PRKCB: variants seen among roughly 807,000 people sequenced by gnomAD.
PRKCB encodes the protein protein kinase C beta.
Under a neutral mutation model 81.5 loss-of-function variants are expected in PRKCB, and 13 were observed. The observed-to-expected ratio is 0.16, with a 90% CI of 0.10 to 0.25. PRKCB has a LOEUF of 0.25. PRKCB is among the 10% of genes least tolerant of loss of function. The pLI is 1.00. For missense variants in PRKCB, 509 were observed against 875.7 expected (o/e 0.58, Z 5.29); for synonymous variants, 335 against 321.4 (o/e 1.04, Z -0.45).
Position 23,957,862 on chromosome 16 carries a change from C to T in PRKCB, c.206-30646C>T, listed in dbSNP as rs1345680147. Among the ~76,000 whole-genome samples the T allele has an allele frequency of 2.6e-5, 4 of 152,186 alleles. No individual in the cohort carries two copies. In the South Asian group the frequency reaches 8.3e-4, roughly 31 times the overall value. On this transcript the variant is annotated intron_variant, in intron 2 of 16. Transcript: ENST00000643927. Reference sequence around the variant, plus strand: ...ATGCCTTCAAATACCAGCCCTCTGACTTCCTAGCTCAATAACCTCACACAG... The same window carrying T: ...ATGCCTTCAAATACCAGCCCTCTGATTTCCTAGCTCAATAACCTCACACAG...
chr16:24,172,219 A>G, intron 10 of PRKCB, 51 bp from the exon 11 acceptor site: 1 of 1,377,874 alleles, frequency 7.3e-7, no homozygotes, highest in Middle Eastern at 1.9e-4. Flanking sequence ...GTCCATTTGG[A>G]GCCCCAGAAG....
At position 24,123,121 on chromosome 16, in the gene PRKCB, T is replaced by C. The variant is rs563586913; in HGVS notation, c.919-714T>C. 2.0e-5 allele frequency among the ~76,000 whole-genome samples: 3 copies of C among 152,118 alleles called. No homozygotes were observed. The South Asian group carries it at 6.2e-4, about 32-fold the overall frequency. Reference sequence around the variant, plus strand: ...CAGTATTTATGGGAAGAGAAGTGGATGAAGGAAGAAAATCAGAGGAGAACC... The same window carrying C: ...CAGTATTTATGGGAAGAGAAGTGGACGAAGGAAGAAAATCAGAGGAGAACC... On this transcript the variant is annotated intron_variant, in intron 8 of 16. Transcript: ENST00000643927.
At chr16:24,087,374 C>T (rs1315213588) in intron 5 of PRKCB, among the ~76,000 whole-genome samples, 3 of 152,282 alleles carry the variant, frequency 2.0e-5, no homozygotes, top group South Asian at 2.1e-4. Flanking sequence ...GGGCAAAGTG[C>T]GTCACAGTAT....
chr16:23,854,107 C>T (rs572805345), intron 2 of PRKCB, among the ~76,000 whole-genome samples: 9 of 151,476 alleles, frequency 5.9e-5, no homozygotes, highest in East Asian at 2.0e-4. Context: ...CATTACCTTC[C>T]GCCAGGTCCT....
intron 2 of PRKCB, among the ~76,000 whole-genome samples, chr16:23,844,091 T>C (rs1962319017): frequency 6.6e-6 from 1 of 152,270 alleles, no homozygotes; most frequent in Admixed American, 6.5e-5. Flanking sequence ...ATTTAAAATA[T>C]ATGGTCTGGC....
intron 10 of PRKCB, among the ~76,000 whole-genome samples, chr16:24,160,288 T>TA (rs1339303793): frequency 6.6e-6 from 1 of 151,856 alleles, no homozygotes; most frequent in Non-Finnish European, 1.5e-5. Context: ...TGGGAATGAT[T>TA]ATTAAAATTT....
chr16:24,022,481 T>A (rs996003657), intron 3 of PRKCB, among the ~76,000 whole-genome samples: 2 of 152,146 alleles, frequency 1.3e-5, no homozygotes, highest in South Asian at 4.1e-4. Flanking sequence ...TCACATTTTT[T>A]ATTCTTTCTT....
intron 7 of PRKCB, among the ~76,000 whole-genome samples, chr16:24,103,029 C>T (rs747288230): frequency 3.3e-5 from 5 of 152,154 alleles, no homozygotes; most frequent in African/African-American, 1.2e-4. Flanking sequence ...CCTGCCACCA[C>T]ACCCGGCTAA....
chr16:24,103,189 C>A (rs1416446096), intron 7 of PRKCB, among the ~76,000 whole-genome samples: 1 of 152,166 alleles, frequency 6.6e-6, no homozygotes, highest in Non-Finnish European at 1.5e-5. Context: ...AATGAACAAG[C>A]ATTTAAGGGA....
At chr16:24,134,170 T>C (rs1248523691) in intron 9 of PRKCB, among the ~76,000 whole-genome samples, 1 of 152,162 alleles carries the variant, frequency 6.6e-6, no homozygotes, top group Non-Finnish European at 1.5e-5. Flanking sequence ...AGTGCTAGGA[T>C]TATAGGAGTG....
intron 5 of PRKCB, among the ~76,000 whole-genome samples, chr16:24,035,796 G>A (rs1470761061): frequency 6.6e-6 from 1 of 152,202 alleles, no homozygotes; most frequent in Non-Finnish European, 1.5e-5. Context: ...TGGGTTCAGA[G>A]AGGAGACGTC....
intron 5 of PRKCB, among the ~76,000 whole-genome samples, chr16:24,069,473 T>C (rs1259039713): frequency 2.0e-5 from 3 of 152,116 alleles, no homozygotes; most frequent in Non-Finnish European, 4.4e-5. Flanking sequence ...CTGAGCGTGG[T>C]GGCTCATGCC....
intron 2 of PRKCB, among the ~76,000 whole-genome samples, chr16:23,911,663 A>G (rs991424862): frequency 4.6e-5 from 7 of 152,116 alleles, no homozygotes; most frequent in African/African-American, 1.7e-4. Flanking sequence ...CTGCTTGGAC[A>G]TGACCTCCTC....
intron 2 of PRKCB, among the ~76,000 whole-genome samples, chr16:23,892,495 C>G (rs1302453803): frequency 1.3e-5 from 2 of 152,170 alleles, no homozygotes; most frequent in East Asian, 3.8e-4. Context: ...TCCAAGACAA[C>G]AAAATTATTT....
chr16:24,021,039 T>C, intron 3 of PRKCB, among the ~76,000 whole-genome samples: 2 of 82,844 alleles, frequency 2.4e-5, no homozygotes, highest in African/African-American at 8.1e-5. Context: ...TTTCTTTCTT[T>C]CTCTTTCTTT....
At chr16:23,876,729 C>CTAG (rs1555481127) in intron 2 of PRKCB, among the ~76,000 whole-genome samples, 1 of 151,684 alleles carries the variant, frequency 6.6e-6, no homozygotes, top group East Asian at 1.9e-4. Flanking sequence ...AAGAGTTGAA[C>CTAG]TAATTTAAGG....
chr16:23,851,767 G>C (rs112834685), intron 2 of PRKCB, among the ~76,000 whole-genome samples: 40 of 151,898 alleles, frequency 2.6e-4, no homozygotes, highest in African/African-American at 9.4e-4. Context: ...TTTCATCAGT[G>C]TTGTATAGTT....
Position 24,035,649 on chromosome 16 carries a change from G to A in PRKCB, c.529+102G>A, listed in dbSNP as rs951462737. The A allele has an allele frequency of 6.9e-6, 8 of 1,156,588 alleles. 2 individuals are homozygous for A. The highest frequency in any genetic ancestry group is 3.6e-6 in the Non-Finnish European group (3 of 840,254). The allele number at this position is 1,156,588 out of a possible 1,614,324, so 71.6% of individuals were successfully genotyped here. On this transcript the variant is annotated intron_variant, in intron 5 of 16. Coordinates refer to ENST00000643927, the MANE Select transcript of PRKCB (RefSeq NM_002738.7). ...GTGGGGCAGTCCAGTGGAGGGGTGG[G>A]GCAGTCCAGGGACGGGGAGGGGGTG...
rs539247451 is a variant in PRKCB at position 24,159,182 on chromosome 16, G to C, written c.1239+4325G>C. Among the ~76,000 whole-genome samples the C allele has an allele frequency of 3.8e-4, 58 of 152,314 alleles. No individual in the cohort carries two copies. In the South Asian group the frequency reaches 5.8e-3, roughly 15 times the overall value. On this transcript the variant is annotated intron_variant, in intron 10 of 16. Transcript: ENST00000643927. ...CCATCTGAGCCTCTACCATGCATGGGTCTTCAACAACGTTGCTTCATTCCA... is the reference window on the plus strand; with the variant it reads ...CCATCTGAGCCTCTACCATGCATGGCTCTTCAACAACGTTGCTTCATTCCA...
Sources: gnomAD v4.1 joint callset for allele counts (sites outside exome capture counted in the v4.1 genomes callset) on GRCh38, gnomAD v4.1.1 for gene constraint, MANE v1.5 for transcripts, NCBI Gene and HGNC (gene_info 2026-07-23, HGNC 2026-07-21) for gene names.